Variants in PTPRN2 observed in about 807,000 individuals in gnomAD.
The protein encoded by PTPRN2 is protein tyrosine phosphatase receptor type N2, also known as receptor-type tyrosine-protein phosphatase N2.
In PTPRN2, 74 loss-of-function variants were observed where a neutral mutation model predicts 118.8. The observed-to-expected ratio is 0.62, with a 90% confidence interval of 0.52 to 0.76. The LOEUF is 0.76. Among genes scored for constraint, PTPRN2 ranks in the 30% least tolerant of loss-of-function variants. The pLI is 0.00. For synonymous variants in PTPRN2, 641 were observed against 608.0 expected, an observed-to-expected ratio of 1.05 and a Z score of -0.80; for missense variants, 1,481 against 1,394.4, an observed-to-expected ratio of 1.06 and a Z score of -0.99.
intron 6 of PTPRN2, among the ~76,000 whole-genome samples, chr7:158,154,864 A>G (rs937791619): frequency 6.6e-6 from 1 of 152,208 alleles, no homozygotes; most frequent in African/African-American, 2.4e-5. Context: ...CCACACACAC[A>G]GCATTTTATG....
intron 11 of PTPRN2, among the ~76,000 whole-genome samples, chr7:158,013,061 C>T (rs1177479404): frequency 6.6e-6 from 1 of 152,180 alleles, no homozygotes; most frequent in Non-Finnish European, 1.5e-5. Context: ...CATGTTTGTC[C>T]TCTCATATAT....
chr7:158,072,535 A>G (rs947253511), intron 11 of PTPRN2, among the ~76,000 whole-genome samples: 5 of 152,164 alleles, frequency 3.3e-5, no homozygotes, highest in Non-Finnish European at 5.9e-5. Flanking sequence ...CAAGTGCTGA[A>G]TAGCCTCATG....
chr7:157,946,521 A>G (rs1800499715), intron 11 of PTPRN2, among the ~76,000 whole-genome samples: 1 of 152,226 alleles, frequency 6.6e-6, no homozygotes, highest in African/African-American at 2.4e-5. Flanking sequence ...CATGCAGCCC[A>G]GATGTGAAGG....
intron 10 of PTPRN2, among the ~76,000 whole-genome samples, chr7:158,083,990 A>G (rs1813051204): frequency 9.8e-6 from 1 of 101,668 alleles, no homozygotes. Context: ...TACAGGTCTA[A>G]CTCCATGAGT....
At position 158,529,975 on chromosome 7, in the gene PTPRN2, C is replaced by T. The variant is rs1825100299; in HGVS notation, c.113-40190G>A. 6.6e-6 allele frequency among the ~76,000 whole-genome samples: 1 copy of T among 152,196 alleles called. No homozygotes were observed. Among genetic ancestry groups the T allele is most frequent in the Non-Finnish European group, 1.5e-5 (1 of 68,030 alleles). On this transcript the variant is annotated intron_variant, in intron 1 of 22. Coordinates refer to ENST00000389418, the MANE Select transcript of PTPRN2 (RefSeq NM_002847.5). This position sits in a 1 kb window ranked among gnomAD's most constrained non-coding sequence, Gnocchi z 4.7. Reference sequence around the variant, plus strand: ...ATACCACACACAAGCATGCACGCCACACATGCCATACACACCACACGCATG... The same window carrying T: ...ATACCACACACAAGCATGCACGCCATACATGCCATACACACCACACGCATG...
chr7:158,266,441 T>C (rs112785266), intron 3 of PTPRN2, among the ~76,000 whole-genome samples: 1 of 134,898 alleles, frequency 7.4e-6, no homozygotes. Flanking sequence ...CTGGGGATGG[T>C]GTCTGCTGCG....
chr7:157,947,093 C>G (rs1005459295), intron 11 of PTPRN2, among the ~76,000 whole-genome samples: 1 of 152,196 alleles, frequency 6.6e-6, no homozygotes, highest in Non-Finnish European at 1.5e-5. Flanking sequence ...TAGATGGGAG[C>G]TGCCCTGCAG....
At chr7:158,129,198 CCACA>C (rs1817953877) in intron 9 of PTPRN2, among the ~76,000 whole-genome samples, 1 of 148,720 alleles carries the variant, frequency 6.7e-6, no homozygotes, top group African/African-American at 2.5e-5. Context: ...ACACTACACA[CCACA>C]AACAGATAAG....
chr7:158,511,183 C>A (rs1272449352), intron 1 of PTPRN2, among the ~76,000 whole-genome samples: 1 of 152,192 alleles, frequency 6.6e-6, no homozygotes, highest in Admixed American at 6.5e-5. Flanking sequence ...ACCCTTCATG[C>A]TCTTACCTTT....
Position 158,521,640 on chromosome 7 carries a change from C to G in PTPRN2, c.113-31855G>C, listed in dbSNP as rs1438292469. 1.2e-4 allele frequency among the ~76,000 whole-genome samples: 11 copies of G among 94,016 alleles called. 1 individual carries two copies. The highest frequency in any genetic ancestry group is 3.0e-4 in the Admixed American group (3 of 10,156). The allele number at this position is 94,016 out of a possible 152,430, so 61.7% of individuals were successfully genotyped here. ...TGGCTCAGGAGGGAGGTCCACGTCA[C>G]AATGGTGGACTGTCCAGGTGCTGGC... On this transcript the variant is annotated intron_variant, in intron 1 of 22. Transcript: ENST00000389418.
chr7:158,209,888 CAG>C (rs962025714), intron 3 of PTPRN2, among the ~76,000 whole-genome samples: 1 of 152,068 alleles, frequency 6.6e-6, no homozygotes, highest in African/African-American at 2.4e-5. Flanking sequence ...AAATCAATAA[CAG>C]GGAAAATTTT....
intron 4 of PTPRN2, among the ~76,000 whole-genome samples, chr7:158,203,006 G>A (rs1343798470): frequency 1.3e-5 from 2 of 151,992 alleles, no homozygotes; most frequent in Non-Finnish European, 2.9e-5. Context: ...GGCCAAGGTG[G>A]GCGGATCATG....
chr7:158,202,479 G>A (rs1826717417), intron 4 of PTPRN2, among the ~76,000 whole-genome samples: 2 of 152,174 alleles, frequency 1.3e-5, no homozygotes, highest in African/African-American at 4.8e-5. Context: ...GAAGAGCTGG[G>A]GAACATGCCC....
chr7:157,859,910 C>A (rs570063556), intron 12 of PTPRN2, among the ~76,000 whole-genome samples: 15 of 129,586 alleles, frequency 1.2e-4, no homozygotes, highest in African/African-American at 4.4e-4. Context: ...GCAGGGAGAG[C>A]CTCCCAGCCA....
At chr7:158,577,686 A>C (rs896714002) in intron 1 of PTPRN2, among the ~76,000 whole-genome samples, 1 of 152,266 alleles carries the variant, frequency 6.6e-6, no homozygotes, top group African/African-American at 2.4e-5. Context: ...TAACCTGATA[A>C]AACAGACAGA....
Position 158,509,255 on chromosome 7 carries a change from C to A in PTPRN2, c.113-19470G>T, listed in dbSNP as rs1176725237. 6.6e-6 allele frequency among the ~76,000 whole-genome samples: 1 copy of A among 152,192 alleles called. No homozygotes were observed. The highest frequency in any genetic ancestry group is 1.5e-5 in the Non-Finnish European group (1 of 68,034). ...TCAAAGGCGGCAGCAAATGCACCAT[C>A]CACTTCCTTTCCTTGCCGGCCCGTC... is the stretch of plus-strand genomic sequence containing the variant. On this transcript the variant is annotated intron_variant, in intron 1 of 22. Coordinates refer to ENST00000389418, the MANE Select transcript of PTPRN2 (RefSeq NM_002847.5). This position sits in a 1 kb window ranked among gnomAD's most constrained non-coding sequence, Gnocchi z 4.4.
chr7:157,905,628 T>C (rs941138788), intron 11 of PTPRN2, among the ~76,000 whole-genome samples: 1 of 152,246 alleles, frequency 6.6e-6, no homozygotes, highest in African/African-American at 2.4e-5. Flanking sequence ...TGACAATTTA[T>C]GCAGCATTCC....
chr7:157,887,043 T>C (rs985028794), intron 12 of PTPRN2, among the ~76,000 whole-genome samples: 2 of 151,826 alleles, frequency 1.3e-5, no homozygotes, highest in African/African-American at 4.8e-5. Flanking sequence ...CCTGGGGCCA[T>C]CGAAGTCCTC....
intron 12 of PTPRN2, among the ~76,000 whole-genome samples, chr7:157,696,255 A>G (rs1489885149): frequency 1.4e-5 from 2 of 138,924 alleles, no homozygotes; most frequent in Non-Finnish European, 3.1e-5. Flanking sequence ...GGATCTTAGT[A>G]GAGCCCTCAC....
Sources: allele counts gnomAD v4.1 joint callset (sites outside exome capture counted in the v4.1 genomes callset), GRCh38; gene constraint gnomAD v4.1.1; non-coding constraint Gnocchi (gnomAD v3.1); transcripts MANE v1.5; gene names NCBI Gene and HGNC (gene_info 2026-07-23, HGNC 2026-07-21).